The following IKZF1 variants were observed in gnomAD, a reference collection of about 807,000 sequenced individuals.
IKZF1 encodes DNA-binding protein Ikaros.
IKZF1 carries 10 observed loss-of-function variants against 51.7 expected under a neutral mutation model. The observed-to-expected ratio is 0.19, with a 90% confidence interval of 0.12 to 0.33. The LOEUF (loss-of-function observed/expected upper bound fraction) is 0.33. Ranked by LOEUF, IKZF1 falls within the 10% of genes least tolerant of loss-of-function variation. The pLI, the probability that IKZF1 is intolerant of heterozygous loss-of-function variation, is 1.00. For synonymous variants in IKZF1, 280 were observed against 282.3 expected, an observed-to-expected ratio of 0.99 and a Z score of 0.08; for missense variants, 484 against 707.5, an observed-to-expected ratio of 0.68 and a Z score of 3.58.
chr7:50,347,746 C>T (rs938295344), intron 3 of IKZF1, among the ~76,000 whole-genome samples: 2 of 152,120 alleles, frequency 1.3e-5, no homozygotes, highest in African/African-American at 2.4e-5. Context: ...ACATGTTTGA[C>T]GCGTGTCACA....
Position 50,324,360 on chromosome 7 carries a change from G to A in IKZF1, c.41-3278G>A, listed in dbSNP as rs7795909. ...AACTATCACTGAGTTCAGGCAAGGCGAGCTTGAATTAACACAGGGCCCTTG... is the reference window on the plus strand; with the variant it reads ...AACTATCACTGAGTTCAGGCAAGGCAAGCTTGAATTAACACAGGGCCCTTG... On this transcript the variant is annotated intron_variant, in intron 2 of 7. Transcript: ENST00000331340. Among the ~76,000 whole-genome samples the A allele has an allele frequency of 3.2e-3, 486 of 152,230 alleles. 3 individuals carry two copies. The highest frequency in any genetic ancestry group is 0.011 in the African/African-American group (460 of 41,514).
intron 1 of IKZF1, among the ~76,000 whole-genome samples, chr7:50,311,404 C>T (rs1332926707): frequency 6.6e-6 from 1 of 152,174 alleles, no homozygotes; most frequent in Non-Finnish European, 1.5e-5. Flanking sequence ...ATGGTAGATA[C>T]TGTATCTAAA....
intron 2 of IKZF1, 84 bp downstream of exon 2, chr7:50,319,185 T>C (rs1792428885): frequency 1.7e-6 from 2 of 1,145,448 alleles, no homozygotes; most frequent in Non-Finnish European, 2.6e-6. Context: ...GGTATGCTCA[T>C]GGGGGAGGAA....
intron 1 of IKZF1, among the ~76,000 whole-genome samples, chr7:50,308,193 G>A (rs892028991): frequency 2.0e-5 from 3 of 152,192 alleles, no homozygotes; most frequent in Non-Finnish European, 2.9e-5. Flanking sequence ...GCAAAAGAAG[G>A]TTTGCAGAAG....
rs1290045042 is a variant in IKZF1, at chr7:50,391,732, T to C, written c.719T>C (p.Ile240Thr). The C allele has an allele frequency of 6.2e-7, 1 of 1,613,932 alleles. No homozygotes were observed. The highest frequency in any genetic ancestry group is 1.7e-5 in the Admixed American group (1 of 59,996). ...MGLPGTLYPV[I>T]KEETNHSEMA... ...GCCTCTCTGTCTTTGACTTTAGTCA[T>C]TAAAGAAGAAACTAATCACAGTGAA... The change falls in exon 7 of 8, where the codon ATT becomes ACT. Residue 240 changes from isoleucine (I) to threonine (T), a missense_variant. This residue lies in a region of IKZF1 where 172 missense variants were observed against 192.7 expected (regional missense o/e 0.89). Transcript: ENST00000331340.
chr7:50,339,416 C>T (rs1798548879), intron 3 of IKZF1, among the ~76,000 whole-genome samples: 1 of 152,090 alleles, frequency 6.6e-6, no homozygotes, highest in Non-Finnish European at 1.5e-5. Context: ...CTAAACAAAA[C>T]ACATCTTTAG....
chr7:50,345,243 G>A (rs1481033012), intron 3 of IKZF1, among the ~76,000 whole-genome samples: 1 of 152,028 alleles, frequency 6.6e-6, no homozygotes, highest in East Asian at 1.9e-4. Flanking sequence ...TATATACTAT[G>A]GATTTGTTTT....
rs1158908841 is a variant in IKZF1, at chr7:50,339,215, TTGTGTG to T, written c.160+11496_160+11501del. Among the ~76,000 whole-genome samples, 445 of 126,468 alleles carry T rather than the reference TTGTGTG, an allele frequency of 3.5e-3. 4 individuals carry two copies. The highest frequency in any genetic ancestry group is 0.012 in the Middle Eastern group (3 of 250). 83.0% of individuals were successfully genotyped at this position (126,468 alleles called of 152,430 possible). A position where few individuals can be genotyped will look rare whatever the true frequency, so the allele number is the denominator to read the frequency against. ...AAAGGAGGAATTCTTTTGGGTAGGG[TTGTGTG>T]TGTGTGTGTGTGTGTGTGTGTGTGT... On this transcript the variant is annotated intron_variant, in intron 3 of 7. Transcript: ENST00000331340.
Position 50,404,406 on chromosome 7 carries a change from A to T in IKZF1, c.*3779A>T, listed in dbSNP as rs896920529. 1.3e-5 allele frequency: 3 copies of T among 228,048 alleles called. No individual in the cohort carries two copies. Among genetic ancestry groups the T allele is most frequent in the African/African-American group, 6.7e-5 (3 of 45,058 alleles). 14.1% of individuals were successfully genotyped at this position (228,048 alleles called of 1,614,324 possible). ...ACACATTTTGAAATGCTTCTTCTGT[A>T]GTGATAGAACAAATAAATGCAACGA... On this transcript the variant is annotated 3_prime_UTR_variant, in exon 8 of 8. Coordinates refer to ENST00000331340, the MANE Select transcript of IKZF1 (RefSeq NM_006060.6).
chr7:50,323,643 A>G (rs79258996), intron 2 of IKZF1, among the ~76,000 whole-genome samples: 3,275 of 152,318 alleles, frequency 0.022, 124 homozygotes, highest in South Asian at 0.12. Flanking sequence ...TTTCTAAATA[A>G]GTGAAATTGT....
intron 3 of IKZF1, among the ~76,000 whole-genome samples, chr7:50,329,322 G>C (rs1176267695): frequency 2.6e-5 from 4 of 152,088 alleles, no homozygotes; most frequent in African/African-American, 9.7e-5. Flanking sequence ...GAGGGGAAGA[G>C]AAATGAACTT....
chr7:50,383,176 G>A (rs551718733), intron 5 of IKZF1, among the ~76,000 whole-genome samples: 1 of 152,262 alleles, frequency 6.6e-6, no homozygotes, highest in South Asian at 2.1e-4. Context: ...GTGATTTAGG[G>A]CGCACCCACC....
intron 3 of IKZF1, among the ~76,000 whole-genome samples, chr7:50,332,031 T>G (rs1464690945): frequency 6.6e-6 from 1 of 152,190 alleles, no homozygotes; most frequent in Non-Finnish European, 1.5e-5. Flanking sequence ...GAAGTGGTTG[T>G]GTATGAAACT....
chr7:50,402,445 C>T lies in IKZF1; in HGVS notation c.*1818C>T, dbSNP rs1369814128. The T allele has an allele frequency of 8.6e-6, 2 of 231,290 alleles. No homozygotes were observed. Among genetic ancestry groups the T allele is most frequent in the Non-Finnish European group, 1.7e-5 (2 of 116,830 alleles). 14.3% of individuals were successfully genotyped at this position (231,290 alleles called of 1,614,324 possible). On this transcript the variant is annotated 3_prime_UTR_variant, in exon 8 of 8. Transcript: ENST00000331340. ...CGCCAGTAGCACCCCGAATTGACAA[C>T]CCAAACTCTCCAGACATCACCAACT...
At chr7:50,339,215 T>TGTGTGTGTGTGTGTGTGTGTG (rs1554339869) in intron 3 of IKZF1, among the ~76,000 whole-genome samples, 2 of 126,404 alleles carry the variant, frequency 1.6e-5, no homozygotes, top group African/African-American at 6.1e-5. Flanking sequence ...TTGGGTAGGG[T>TGTGTGTGTGTGTGTGTGTGTG]TGTGTGTGTG....
At chr7:50,329,215 G>T (rs1211671635) in intron 3 of IKZF1, among the ~76,000 whole-genome samples, 1 of 151,444 alleles carries the variant, frequency 6.6e-6, no homozygotes, top group Admixed American at 6.6e-5. Flanking sequence ...AGATAAAGAT[G>T]GTGGCTAAAG....
intron 3 of IKZF1, among the ~76,000 whole-genome samples, chr7:50,364,145 A>C (rs1806101194): frequency 6.6e-6 from 1 of 152,198 alleles, no homozygotes; most frequent in African/African-American, 2.4e-5. Flanking sequence ...AGTAGATCAG[A>C]TCTCCTCCCT....
intron 3 of IKZF1, among the ~76,000 whole-genome samples, chr7:50,333,325 A>C: frequency 8.6e-6 from 1 of 116,554 alleles, no homozygotes. Flanking sequence ...CCAGCACGGT[A>C]GTCGGGGGAG....
At chr7:50,307,458 TG>T (rs1789083295) in intron 1 of IKZF1, among the ~76,000 whole-genome samples, 1 of 152,214 alleles carries the variant, frequency 6.6e-6, no homozygotes, top group African/African-American at 2.4e-5. Context: ...ACAAGCACTC[TG>T]GGGGCACTGT....
Sources: gnomAD v4.1 joint callset for allele counts (sites outside exome capture counted in the v4.1 genomes callset) on GRCh38, gnomAD v4.1.1 for gene constraint, gnomAD v4.1.1 regional missense constraint, MANE v1.5 for transcripts, NCBI Gene and HGNC (gene_info 2026-07-23, HGNC 2026-07-21) for gene names.